Variants in AEN observed in about 807,000 individuals in gnomAD.
AEN encodes apoptosis-enhancing nuclease.
AEN carries 21 observed loss-of-function variants against 17.7 expected under a neutral mutation model. That is an observed-to-expected ratio of 1.19 (90% confidence interval 0.84 to 1.71). AEN has a LOEUF of 1.71. AEN is among the 40% of genes most tolerant of loss of function. The pLI is 0.00. For synonymous variants in AEN, 190 were observed against 173.0 expected, an observed-to-expected ratio of 1.10 and a Z score of -0.77; for missense variants, 462 against 435.9, an observed-to-expected ratio of 1.06 and a Z score of -0.53.
intron 1 of AEN, 35 bp from the exon 2 acceptor site, chr15:88,626,111 C>T (rs2057848004): frequency 7.3e-7 from 1 of 1,374,712 alleles, no homozygotes; most frequent in African/African-American, 1.5e-5. Context: ...GGCACACTCT[C>T]ACCCAGCCCC....
Position 88,631,333 on chromosome 15 carries a change from G to T in AEN, c.*1039G>T, listed in dbSNP as rs1194291839. 2.1e-5 allele frequency: 6 copies of T among 290,022 alleles called. No homozygotes were observed. The highest frequency in any genetic ancestry group is 4.4e-5 in the Non-Finnish European group (6 of 136,858). 18.0% of individuals were successfully genotyped at this position (290,022 alleles called of 1,614,324 possible). A position where few individuals can be genotyped will look rare whatever the true frequency, so the allele number is the denominator to read the frequency against. ...CCGAACCTGGTCTGATGCCCCCTCA[G>T]CTCTTTGACAATCACTGTGGCTGTT... On this transcript the variant is annotated 3_prime_UTR_variant, in exon 4 of 4. Coordinates refer to ENST00000332810, the MANE Select transcript of AEN (RefSeq NM_022767.4).
intron 2 of AEN, chr15:88,628,951 T>G: frequency 7.4e-6 from 3 of 403,448 alleles, no homozygotes; most frequent in Non-Finnish European, 9.1e-6. Context: ...CATGACCTCG[T>G]TTAGTCCTTA....
At chr15:88,610,210 A>G in the AEN span, among the ~76,000 whole-genome samples, 1 of 152,030 alleles carries the variant, frequency 6.6e-6, no homozygotes. Context: ...CTTAGTTAGC[A>G]TTGTTCTCTA....
upstream of AEN, among the ~76,000 whole-genome samples, chr15:88,620,448 G>A (rs1179983965): frequency 6.6e-6 from 1 of 151,162 alleles, no homozygotes; most frequent in African/African-American, 2.4e-5. Context: ...TTTGCTCTTG[G>A]TGCCCAGGCT....
upstream of AEN, among the ~76,000 whole-genome samples, chr15:88,616,947 G>A (rs139920941): frequency 0.054 from 8,215 of 152,260 alleles, 290 homozygotes; most frequent in Middle Eastern, 0.082. Context: ...TTCAACTTGT[G>A]AATTATAGTG....
the AEN span, among the ~76,000 whole-genome samples, chr15:88,610,162 C>T: frequency 6.6e-6 from 1 of 152,144 alleles, no homozygotes; most frequent in East Asian, 1.9e-4. Flanking sequence ...CCTAGAAATA[C>T]CTAGGGTGCT....
At position 88,626,358 on chromosome 15, in the gene AEN, A is replaced by G; in HGVS notation, c.149A>G (p.Gln50Arg). 1 of 1,613,170 alleles carries G rather than the reference A, an allele frequency of 6.2e-7. No homozygotes were observed. ...FMARKALLQE[Q>R]GLLSMPPEPG... ...GCCCGGAAGGCCTTGCTGCAGGAGC[A>G]GGGGCTGCTGAGCATGCCTCCAGAA... The change falls in exon 2 of 4, where the codon CAG (glutamine) becomes CGG (arginine). Residue 50 changes from glutamine (Q) to arginine (R), a missense_variant. Coordinates refer to ENST00000332810, the MANE Select transcript of AEN (RefSeq NM_022767.4).
chr15:88,607,657 T>C, the AEN span, among the ~76,000 whole-genome samples: 1 of 152,232 alleles, frequency 6.6e-6, no homozygotes, highest in African/African-American at 2.4e-5. Flanking sequence ...GTGATATCTT[T>C]ATCTGTGATG....
In AEN at chr15:88,630,987, T is replaced by G; in HGVS notation, c.*693T>G. 1 of 391,334 alleles carries G rather than the reference T, an allele frequency of 2.6e-6. No individual in the cohort carries two copies. Among genetic ancestry groups the G allele is most frequent in the Non-Finnish European group, 5.3e-6 (1 of 188,028 alleles). 24.2% of individuals were successfully genotyped at this position (391,334 alleles called of 1,614,324 possible). ...AGGCTTCTCGTGGGGAGTTGGCTCCTTAACATTTCTTGGCAACAGAAAGCC... is the reference window on the plus strand; with the variant it reads ...AGGCTTCTCGTGGGGAGTTGGCTCCGTAACATTTCTTGGCAACAGAAAGCC... On this transcript the variant is annotated 3_prime_UTR_variant, in exon 4 of 4. Transcript: ENST00000332810. The surrounding 1 kb of genome is among the most constrained non-coding windows in gnomAD (Gnocchi z 5.1).
At chr15:88,624,283 G>T (rs997660619) in intron 1 of AEN, among the ~76,000 whole-genome samples, 4 of 152,292 alleles carry the variant, frequency 2.6e-5, no homozygotes, top group African/African-American at 9.6e-5. Context: ...GGGCTTCTGG[G>T]TGGTGGCGGA....
chr15:88,617,026 G>A (rs145291829), upstream of AEN, among the ~76,000 whole-genome samples: 941 of 152,268 alleles, frequency 6.2e-3, 2 homozygotes, highest in Non-Finnish European at 9.4e-3. Context: ...TTAAAAAGAC[G>A]TCATTAAATG....
chr15:88,619,731 G>T (rs531740883), upstream of AEN, among the ~76,000 whole-genome samples: 9 of 151,998 alleles, frequency 5.9e-5, no homozygotes, highest in African/African-American at 2.2e-4. Context: ...CCTTGCCCCA[G>T]ATTTACCTCC....
chr15:88,613,674 A>T, the AEN span, among the ~76,000 whole-genome samples: 3 of 152,098 alleles, frequency 2.0e-5, no homozygotes, highest in Non-Finnish European at 2.9e-5. Context: ...CTCTGAAGTC[A>T]AACATGTGCC....
chr15:88,615,938 C>T, the AEN span, among the ~76,000 whole-genome samples: 8 of 152,118 alleles, frequency 5.3e-5, no homozygotes, highest in Non-Finnish European at 1.2e-4. Flanking sequence ...CAAAACAGGT[C>T]AAGTCCTGTC....
chr15:88,604,730 G>A, the AEN span: 1 of 152,258 alleles, frequency 6.6e-6, no homozygotes, highest in African/African-American at 2.4e-5. This position sits in a 1 kb window ranked among gnomAD's most constrained non-coding sequence, Gnocchi z 8.1. Flanking sequence ...CAGGACTACG[G>A]ACCCGGACAG....
the AEN span, among the ~76,000 whole-genome samples, chr15:88,607,531 A>G: frequency 6.6e-6 from 1 of 152,232 alleles, no homozygotes; most frequent in African/African-American, 2.4e-5. Flanking sequence ...AGTGCCATGA[A>G]CGTTCTCTTT....
chr15:88,606,212 T>C, the AEN span, among the ~76,000 whole-genome samples: 1 of 152,156 alleles, frequency 6.6e-6, no homozygotes, highest in Non-Finnish European at 1.5e-5. Context: ...CCGTGCTCCC[T>C]CTCGCTCTCT....
chr15:88,629,381 C>G lies in AEN; in HGVS notation c.696C>G (p.Val232=). The change falls in exon 3 of 4, where the codon GTC becomes GTG. Residue 232 remains valine (V), a synonymous_variant. Coordinates refer to ENST00000332810, the MANE Select transcript of AEN (RefSeq NM_022767.4). ...CCGGCCTCCACACCCGGGCCCGGGT[C>G]TCTCTAAAGGACCTGGCCCTGCAGC... The part of the protein sequence containing the change: ...SEPGLHTRAR[V]SLKDLALQLL... 3 of 1,614,086 alleles carry G rather than the reference C, an allele frequency of 1.9e-6. No homozygotes were observed. The highest frequency in any genetic ancestry group is 2.5e-6 in the Non-Finnish European group (3 of 1,180,008).
At chr15:88,628,366 G>A (rs1180199655) in intron 2 of AEN, 1 of 152,288 alleles carries the variant, frequency 6.6e-6, no homozygotes, top group Non-Finnish European at 1.5e-5. Flanking sequence ...GCCCGCAGCT[G>A]GTGATAAGGA....
Sources: allele counts gnomAD v4.1 joint callset (sites outside exome capture counted in the v4.1 genomes callset), GRCh38; gene constraint gnomAD v4.1.1; non-coding constraint Gnocchi (gnomAD v3.1); transcripts MANE v1.5; gene names NCBI Gene and HGNC (gene_info 2026-07-23, HGNC 2026-07-21).